CTSO: variants seen among roughly 807,000 people sequenced by gnomAD.
The protein encoded by CTSO is cathepsin O.
A neutral mutation model predicts 42.4 loss-of-function variants in CTSO; 40 were observed. The ratio of observed to expected loss-of-function variants is 0.94; its 90% CI spans 0.73 to 1.23. The LOEUF (loss-of-function observed/expected upper bound fraction) is 1.23, where lower values mean the gene tolerates loss of function less well. Ranked by LOEUF, CTSO falls within the 50% of genes most tolerant of loss-of-function variation. The pLI is 0.00. For missense variants in CTSO, 441 were observed against 396.0 expected (o/e 1.11, Z -0.96); for synonymous variants, 156 against 146.2 (o/e 1.07, Z -0.48).
chr4:155,937,850 A>C (rs1024201981), intron 4 of CTSO, among the ~76,000 whole-genome samples: 1 of 152,270 alleles, frequency 6.6e-6, no homozygotes, highest in African/African-American at 2.4e-5. Flanking sequence ...TCCTGGACTC[A>C]AGAAATCCAC....
chr4:155,931,871 A>T (rs1395332716), intron 5 of CTSO, among the ~76,000 whole-genome samples: 2 of 151,152 alleles, frequency 1.3e-5, no homozygotes, highest in Non-Finnish European at 3.0e-5. Context: ...TAATGAATGG[A>T]ATAATAATAA....
intron 1 of CTSO, among the ~76,000 whole-genome samples, chr4:155,952,785 A>C (rs1211004018): frequency 6.6e-6 from 1 of 152,250 alleles, no homozygotes; most frequent in African/African-American, 2.4e-5. Flanking sequence ...ACCAGGAAAA[A>C]AGATACACTT....
intron 4 of CTSO, among the ~76,000 whole-genome samples, chr4:155,937,955 G>C (rs1743361293): frequency 6.6e-6 from 1 of 151,922 alleles, no homozygotes; most frequent in African/African-American, 2.4e-5. Context: ...AAATCTTTAG[G>C]TGCTTGTTCT....
intron 7 of CTSO, among the ~76,000 whole-genome samples, chr4:155,927,714 G>T (rs1743154772): frequency 6.6e-6 from 1 of 152,058 alleles, no homozygotes; most frequent in African/African-American, 2.4e-5. Context: ...GGCGGAGCTT[G>T]CAGTGAGCCG....
chr4:155,925,024 G>A lies in CTSO; in HGVS notation c.*1012C>T, dbSNP rs556932792. 2.0e-5 allele frequency: 3 copies of A among 152,328 alleles called. No homozygotes were observed. The East Asian group carries it at 5.8e-4, about 29-fold the overall frequency. 9.4% of individuals were successfully genotyped at this position (152,328 alleles called of 1,614,324 possible). On this transcript the variant is annotated 3_prime_UTR_variant, in exon 8 of 8. Transcript: ENST00000433477. ...TTTGATACCCAGGGTTAAGAGATGG[G>A]ACTTTGATAGGAGTGGTGCTTATGA...
intron 1 of CTSO, among the ~76,000 whole-genome samples, chr4:155,944,781 G>A (rs972602570): frequency 6.6e-6 from 1 of 152,040 alleles, no homozygotes; most frequent in Non-Finnish European, 1.5e-5. Flanking sequence ...TTTGATTAAT[G>A]ACTCCCTGAT....
At chr4:155,949,685 G>C (rs1000174042) in intron 1 of CTSO, among the ~76,000 whole-genome samples, 7 of 152,294 alleles carry the variant, frequency 4.6e-5, no homozygotes, top group African/African-American at 1.7e-4. Flanking sequence ...TTCGTTTCTG[G>C]AAATTGCAGT....
At chr4:155,930,977 A>T (rs2110907625) in intron 5 of CTSO, among the ~76,000 whole-genome samples, 1 of 152,240 alleles carries the variant, frequency 6.6e-6, no homozygotes, top group East Asian at 1.9e-4. Flanking sequence ...ATTGTCCCAC[A>T]CCTGGGTTCA....
intron 1 of CTSO, among the ~76,000 whole-genome samples, chr4:155,951,196 G>A (rs28535156): frequency 6.6e-6 from 1 of 152,012 alleles, no homozygotes; most frequent in Non-Finnish European, 1.5e-5. Flanking sequence ...ATGTACTTTG[G>A]CATAGATATT....
chr4:155,943,942 G>A (rs181663412), intron 1 of CTSO, among the ~76,000 whole-genome samples: 1 of 152,102 alleles, frequency 6.6e-6, no homozygotes, highest in African/African-American at 2.4e-5. Flanking sequence ...ATATAAACAT[G>A]CTTCAATTTC....
chr4:155,928,318 C>T lies in CTSO; in HGVS notation c.931+18G>A. The T allele has an allele frequency of 6.3e-7, 1 of 1,576,086 alleles. No individual in the cohort carries two copies. The highest frequency in any genetic ancestry group is 8.7e-7 in the Non-Finnish European group (1 of 1,150,238). On this transcript the variant is annotated intron_variant, in intron 7 of 7. Coordinates refer to ENST00000433477, the MANE Select transcript of CTSO (RefSeq NM_001334.3). ...TTAATATTTATATTGAGGTTTTAAA[C>T]ACAAACTCATGACTTACCACAAACA...
chr4:155,940,604 G>A (rs774622838), intron 3 of CTSO, among the ~76,000 whole-genome samples: 1 of 152,114 alleles, frequency 6.6e-6, no homozygotes, highest in Non-Finnish European at 1.5e-5. Flanking sequence ...CAGCACTTTG[G>A]GAGGCCAAGG....
chr4:155,933,540 A>G lies in CTSO; in HGVS notation c.674+3822T>C, dbSNP rs192688635. ...TAGGCAGACAGTTGGAACAGTTTCA[A>G]GGGCTCAGAAGAAGAAAGGAAAATG... On this transcript the variant is annotated intron_variant, in intron 5 of 7. Coordinates refer to ENST00000433477, the MANE Select transcript of CTSO (RefSeq NM_001334.3). 1.3e-4 allele frequency among the ~76,000 whole-genome samples: 20 copies of G among 152,316 alleles called. No homozygotes were observed. The East Asian group carries it at 3.9e-3, about 29-fold the overall frequency.
chr4:155,928,978 C>T (rs149797056), intron 6 of CTSO, among the ~76,000 whole-genome samples: 1,668 of 152,230 alleles, frequency 0.011, 87 homozygotes, highest in Admixed American at 0.091. Flanking sequence ...GGCCATGACG[C>T]CCACGCTGGA....
chr4:155,939,540 T>G lies in CTSO; in HGVS notation c.385-2A>C. 1 of 1,606,724 alleles carries G rather than the reference T, an allele frequency of 6.2e-7. No individual in the cohort carries two copies. Among genetic ancestry groups the G allele is most frequent in the Non-Finnish European group, 8.5e-7 (1 of 1,175,718 alleles). On this transcript the variant is annotated splice_acceptor_variant, in intron 3 of 7. Transcript: ENST00000433477. LOFTEE classifies it high-confidence loss of function. ...GCTGAAGGCCCAGCATCCTCCACAC[T>G]GTTTAAAAACAGAAAAAGGGGTGGT...
chr4:155,940,074 C>T (rs1743401488), intron 3 of CTSO, among the ~76,000 whole-genome samples: 1 of 152,098 alleles, frequency 6.6e-6, no homozygotes, highest in Non-Finnish European at 1.5e-5. Flanking sequence ...ACTCTTTAGG[C>T]TATAAAGATG....
intron 3 of CTSO, among the ~76,000 whole-genome samples, chr4:155,941,997 G>C (rs527565378): frequency 6.6e-6 from 1 of 152,028 alleles, no homozygotes; most frequent in Non-Finnish European, 1.5e-5. Context: ...AGAAAGCTTG[G>C]TATCTGTGAT....
At position 155,932,705 on chromosome 4, in the gene CTSO, C is replaced by A. The variant is rs577949173; in HGVS notation, c.675-3000G>T. Among the ~76,000 whole-genome samples the A allele has an allele frequency of 6.8e-4, 104 of 152,210 alleles. 1 individual carries two copies. Among genetic ancestry groups the A allele is most frequent in the African/African-American group, 2.4e-3 (99 of 41,534 alleles). Reference sequence around the variant, plus strand: ...TTTTACCCTGGCTGCCAGAGTTCCCCAGCAGGACTAAGCATGAGGTTAGCC... The same window carrying A: ...TTTTACCCTGGCTGCCAGAGTTCCCAAGCAGGACTAAGCATGAGGTTAGCC... On this transcript the variant is annotated intron_variant, in intron 5 of 7. Transcript: ENST00000433477.
chr4:155,933,102 C>T (rs1743263809), intron 5 of CTSO, among the ~76,000 whole-genome samples: 1 of 152,082 alleles, frequency 6.6e-6, no homozygotes, highest in African/African-American at 2.4e-5. Context: ...GATGGTTTGG[C>T]TGTGTCCCCA....
Sources: allele counts gnomAD v4.1 joint callset (sites outside exome capture counted in the v4.1 genomes callset), GRCh38; gene constraint gnomAD v4.1.1; transcripts MANE v1.5; gene names NCBI Gene and HGNC (gene_info 2026-07-23, HGNC 2026-07-21).